The following MPDZ variants were observed in gnomAD, a reference collection of about 807,000 sequenced individuals.
MPDZ encodes multiple PDZ domain crumbs cell polarity complex component, also known as multiple PDZ domain protein.
MPDZ carries 234 observed loss-of-function variants against 239.1 expected under a neutral mutation model. The ratio of observed to expected loss-of-function variants is 0.98; its 90% CI spans 0.88 to 1.09. The LOEUF is 1.09. Among genes scored for constraint, MPDZ ranks in the 50% least tolerant of loss-of-function variants. The pLI is 0.00. For missense variants in MPDZ, 3,175 were observed against 2,510.0 expected (o/e 1.26, Z -5.66); for synonymous variants, 1,048 against 881.3 (o/e 1.19, Z -3.35).
chr9:13,273,232 T>G (rs886299821), intron 1 of MPDZ, among the ~76,000 whole-genome samples: 1 of 152,152 alleles, frequency 6.6e-6, no homozygotes, highest in Admixed American at 6.5e-5. Flanking sequence ...GCACCCGAAA[T>G]GAACTAAAAC....
At chr9:13,246,589 AT>A (rs1966643705) in intron 3 of MPDZ, among the ~76,000 whole-genome samples, 1 of 152,260 alleles carries the variant, frequency 6.6e-6, no homozygotes, top group South Asian at 2.1e-4. Context: ...ATTTGTGAAG[AT>A]TCTTCTTGAC....
chr9:13,167,911 G>C (rs1306188524), intron 22 of MPDZ, among the ~76,000 whole-genome samples: 1 of 152,126 alleles, frequency 6.6e-6, no homozygotes, highest in African/African-American at 2.4e-5. Flanking sequence ...GAAACGGTAA[G>C]TTTTGGGTCA....
rs542108540 is a variant in MPDZ, at chr9:13,221,637, C to G, written c.748-137G>C. ...ACATAATAATGAGTCCTAACAATGT[C>G]CCTTTCATTTGGTATACTTCCCTTT... On this transcript the variant is annotated intron_variant, in intron 6 of 46. Coordinates refer to ENST00000319217, the MANE Select transcript of MPDZ (RefSeq NM_001378778.1). 11 of 851,904 alleles carry G rather than the reference C, an allele frequency of 1.3e-5. No homozygotes were observed. The East Asian group carries it at 2.6e-4, about 20-fold the overall frequency. The allele number at this position is 851,904 out of a possible 1,614,324, so 52.8% of individuals were successfully genotyped here. A position where few individuals can be genotyped will look rare whatever the true frequency, so the allele number is the denominator to read the frequency against.
chr9:13,263,822 A>G (rs946418245), intron 1 of MPDZ, among the ~76,000 whole-genome samples: 30 of 152,238 alleles, frequency 2.0e-4, no homozygotes, highest in African/African-American at 7.2e-4. Context: ...GTATAAATAT[A>G]AACCTGTTTC....
chr9:13,239,808 C>A (rs1964944577), intron 3 of MPDZ, among the ~76,000 whole-genome samples: 2 of 152,166 alleles, frequency 1.3e-5, no homozygotes, highest in East Asian at 3.9e-4. Flanking sequence ...TTCTAAGGCT[C>A]CTTTTTATGC....
intron 39 of MPDZ, among the ~76,000 whole-genome samples, chr9:13,116,613 T>C (rs1477949484): frequency 6.6e-6 from 1 of 152,214 alleles, no homozygotes; most frequent in Non-Finnish European, 1.5e-5. Context: ...ATTTTCAGTT[T>C]ACATAACTGT....
At chr9:13,115,950 CAA>C (rs71491603) in intron 39 of MPDZ, among the ~76,000 whole-genome samples, 1 of 40,612 alleles carries the variant, frequency 2.5e-5, no homozygotes, top group Non-Finnish European at 4.8e-5. Context: ...GACTCCACCT[CAA>C]AAAAAAAAAA....
chr9:13,252,568 C>CAAAAA (rs56937303), intron 1 of MPDZ, among the ~76,000 whole-genome samples: 1 of 129,768 alleles, frequency 7.7e-6, no homozygotes. Flanking sequence ...CTGTCCCCCG[C>CAAAAA]AAAAAAAAAA....
intron 3 of MPDZ, among the ~76,000 whole-genome samples, chr9:13,225,731 T>C (rs145262550): frequency 1.3e-5 from 2 of 152,188 alleles, no homozygotes; most frequent in South Asian, 2.1e-4. Context: ...TGGTAGGCTA[T>C]ATCACCAAGG....
intron 22 of MPDZ, among the ~76,000 whole-genome samples, chr9:13,165,213 TTC>T (rs1227940598): frequency 6.6e-6 from 1 of 152,160 alleles, no homozygotes; most frequent in Non-Finnish European, 1.5e-5. Context: ...GGATTTTATG[TTC>T]TTACTTAAAC....
At chr9:13,137,842 T>C in intron 29 of MPDZ, 115 bp downstream of exon 29, 1 of 1,090,804 alleles carries the variant, frequency 9.2e-7, no homozygotes, top group Non-Finnish European at 1.3e-6. Flanking sequence ...TCTATTTTAT[T>C]AAGCAAGCAA....
At chr9:13,197,476 T>C (rs1417770550) in intron 12 of MPDZ, among the ~76,000 whole-genome samples, 1 of 152,114 alleles carries the variant, frequency 6.6e-6, no homozygotes, top group African/African-American at 2.4e-5. Context: ...TTTTAAAATA[T>C]TTTATTGATA....
chr9:13,254,517 A>G (rs1968933888), intron 1 of MPDZ, among the ~76,000 whole-genome samples: 1 of 152,172 alleles, frequency 6.6e-6, no homozygotes, highest in South Asian at 2.1e-4. Context: ...TCTCTTATTG[A>G]GCTTAATTTG....
In MPDZ at chr9:13,122,077, C is replaced by T. The variant is rs537188674; in HGVS notation, c.5037+10G>A. ...GTTAATTTTGAAGGTCAAAAACAGG[C>T]ATTCTATACCTCTAAGATCTGATCT... On this transcript the variant is annotated intron_variant, in intron 37 of 46. Transcript: ENST00000319217. The T allele has an allele frequency of 1.2e-5, 19 of 1,613,384 alleles. No homozygotes were observed. In the South Asian group the frequency reaches 2.0e-4, roughly 17 times the overall value.
chr9:13,156,631 G>T (rs762616986), intron 24 of MPDZ, among the ~76,000 whole-genome samples: 8 of 152,126 alleles, frequency 5.3e-5, no homozygotes, highest in Non-Finnish European at 1.0e-4. Flanking sequence ...GGGAATTATG[G>T]GAGCTACAAG....
chr9:13,276,531 G>A (rs919692640), intron 1 of MPDZ: 26 of 152,202 alleles, frequency 1.7e-4, no homozygotes, highest in African/African-American at 6.3e-4. Flanking sequence ...ATTTTCAAAA[G>A]TACATACAAC....
At chr9:13,148,157 G>A (rs1007020686) in intron 25 of MPDZ, among the ~76,000 whole-genome samples, 31 of 152,018 alleles carry the variant, frequency 2.0e-4, no homozygotes, top group African/African-American at 7.2e-4. Context: ...ATAATGGTAA[G>A]GTTAGTTTTG....
chr9:13,136,014 T>C, intron 31 of MPDZ, 78 bp downstream of exon 31: 3 of 952,146 alleles, frequency 3.2e-6, no homozygotes, highest in Non-Finnish European at 4.9e-6. Flanking sequence ...TCTCTAAGTG[T>C]TATGTAATTG....
rs202010521 is a variant in MPDZ, at chr9:13,193,153, G to C, written c.1803+14C>G. The C allele has an allele frequency of 6.4e-7, 1 of 1,551,224 alleles. No homozygotes were observed. The highest frequency in any genetic ancestry group is 8.8e-7 in the Non-Finnish European group (1 of 1,142,796). On this transcript the variant is annotated intron_variant, in intron 14 of 46. Transcript: ENST00000319217. Reference sequence around the variant, plus strand: ...TCTTATTTAAGGAGGAGAAGGAACAGCATAGCTCCTTACTTCCAATAGCTC... The same window carrying C: ...TCTTATTTAAGGAGGAGAAGGAACACCATAGCTCCTTACTTCCAATAGCTC...
Sources: allele counts gnomAD v4.1 joint callset (sites outside exome capture counted in the v4.1 genomes callset), GRCh38; gene constraint gnomAD v4.1.1; transcripts MANE v1.5; gene names NCBI Gene and HGNC (gene_info 2026-07-23, HGNC 2026-07-21).